HAPLN1: variants seen among roughly 807,000 people sequenced by gnomAD.
The protein encoded by HAPLN1 is Cartilage link protein.
Under a neutral mutation model 36.5 loss-of-function variants are expected in HAPLN1, and 13 were observed. The ratio of observed to expected loss-of-function variants is 0.36; its 90% CI spans 0.23 to 0.57. HAPLN1 has a LOEUF of 0.57. Ranked by LOEUF, HAPLN1 falls within the 20% of genes least tolerant of loss-of-function variation. The pLI is 0.83. For missense variants in HAPLN1, 407 were observed against 439.7 expected (o/e 0.93, Z 0.66); for synonymous variants, 202 against 169.8 (o/e 1.19, Z -1.48).
At chr5:83,684,102 A>C (rs2048407270) in intron 1 of HAPLN1, among the ~76,000 whole-genome samples, 1 of 152,160 alleles carries the variant, frequency 6.6e-6, no homozygotes, top group Non-Finnish European at 1.5e-5. Flanking sequence ...ATGGCCCCTG[A>C]GAATGGGAGC....
intron 2 of HAPLN1, among the ~76,000 whole-genome samples, chr5:83,661,783 T>G (rs1750401366): frequency 6.6e-6 from 1 of 152,084 alleles, no homozygotes; most frequent in East Asian, 1.9e-4. Context: ...ACTTTATTTC[T>G]CTTAGTGATT....
intron 1 of HAPLN1, among the ~76,000 whole-genome samples, chr5:83,688,260 G>A (rs1234112091): frequency 3.3e-5 from 5 of 152,138 alleles, no homozygotes; most frequent in Non-Finnish European, 7.3e-5. Flanking sequence ...AGGCATGGGA[G>A]AACTATTTTG....
chr5:83,708,408 G>A lies in HAPLN1; in HGVS notation c.-27+12381C>T, dbSNP rs558524431. On this transcript the variant is annotated intron_variant, in intron 1 of 4. Transcript: ENST00000274341. ...AAAAAAGAACAAGATAATGTCTTCTGTGGGAATATGGATGGAGGTGGAGGC... is the reference window on the plus strand; with the variant it reads ...AAAAAAGAACAAGATAATGTCTTCTATGGGAATATGGATGGAGGTGGAGGC... Among the ~76,000 whole-genome samples, 68 of 152,322 alleles carry A rather than the reference G, an allele frequency of 4.5e-4. 1 individual carries two copies. Among genetic ancestry groups the A allele is most frequent in the African/African-American group, 1.5e-3 (64 of 41,578 alleles).
At chr5:83,707,936 A>G (rs1336544530) in intron 1 of HAPLN1, among the ~76,000 whole-genome samples, 9 of 152,368 alleles carry the variant, frequency 5.9e-5, no homozygotes, top group Admixed American at 5.9e-4. Flanking sequence ...GAAGGCATAC[A>G]TGCAGCCAAC....
chr5:83,719,013 A>G (rs964798801), intron 1 of HAPLN1, among the ~76,000 whole-genome samples: 11 of 152,190 alleles, frequency 7.2e-5, no homozygotes, highest in Admixed American at 6.6e-5. Flanking sequence ...CCGTTTACTC[A>G]TAAAGTATCT....
chr5:83,673,625 C>G (rs924143990), intron 1 of HAPLN1, 76 bp from the exon 2 acceptor site: 3 of 790,638 alleles, frequency 3.8e-6, no homozygotes, highest in Admixed American at 2.2e-5. Context: ...AACTTATTAC[C>G]GCCTTATCAT....
At chr5:83,688,330 G>A (rs1009257388) in intron 1 of HAPLN1, among the ~76,000 whole-genome samples, 2 of 152,140 alleles carry the variant, frequency 1.3e-5, no homozygotes, top group African/African-American at 4.8e-5. Flanking sequence ...CTCTCATGAG[G>A]CACCAGGCTC....
At chr5:83,708,270 A>T (rs1751697550) in intron 1 of HAPLN1, among the ~76,000 whole-genome samples, 1 of 152,230 alleles carries the variant, frequency 6.6e-6, no homozygotes, top group Non-Finnish European at 1.5e-5. Context: ...ACGTATATTC[A>T]TTGCAGCTCT....
chr5:83,688,642 CTTTTTTTTTTT>C (rs539790396), intron 1 of HAPLN1, among the ~76,000 whole-genome samples: 86 of 80,588 alleles, frequency 1.1e-3, no homozygotes, highest in Admixed American at 3.2e-3. Flanking sequence ...GCTTTTGATT[CTTTTTTTTTTT>C]TTTTTTTTTT....
intron 1 of HAPLN1, among the ~76,000 whole-genome samples, chr5:83,676,102 A>G (rs10514260): frequency 0.55 from 83,557 of 151,762 alleles, 23,295 homozygotes; most frequent in East Asian, 0.81. Flanking sequence ...CATTAATTAT[A>G]TCACTCTGGT....
chr5:83,650,218 C>G (rs1750015645), intron 3 of HAPLN1, among the ~76,000 whole-genome samples: 1 of 152,166 alleles, frequency 6.6e-6, no homozygotes, highest in Non-Finnish European at 1.5e-5. Context: ...CCTTTGGTAT[C>G]AAATTCCAGC....
intron 2 of HAPLN1, among the ~76,000 whole-genome samples, chr5:83,672,537 A>G (rs78694419): frequency 0.025 from 3,746 of 152,296 alleles, 167 homozygotes; most frequent in African/African-American, 0.084. Flanking sequence ...ATACTTCTAG[A>G]CAGATTTACA....
rs1408808915 is a variant in HAPLN1 at position 83,644,551 on chromosome 5, T to C, written c.587A>G (p.Asp196Gly). 6.2e-7 allele frequency: 1 copy of C among 1,604,750 alleles called. No homozygotes were observed. Among genetic ancestry groups the C allele is most frequent in the Non-Finnish European group, 8.5e-7 (1 of 1,175,900 alleles). The change falls in exon 4 of 5, where the codon GAC becomes GGC. Residue 196 changes from aspartate (D) to glycine (G), a missense_variant. By Grantham distance (94) the Asp-to-Gly change is moderately conservative. Transcript: ENST00000274341. Reference sequence around the variant, plus strand: ...CCAGTCCAGCCCGCCCCGCCAGGCGTCGTACAGCTGGTCGAAGGAGGCGAT... The same window carrying C: ...CCAGTCCAGCCCGCCCCGCCAGGCGCCGTACAGCTGGTCGAAGGAGGCGAT... ...AVIASFDQLY[D>G]AWRGGLDWCN...
intron 2 of HAPLN1, among the ~76,000 whole-genome samples, chr5:83,663,203 A>G (rs1019110739): frequency 6.6e-6 from 1 of 152,222 alleles, no homozygotes; most frequent in Non-Finnish European, 1.5e-5. Flanking sequence ...TCTTAAGAGG[A>G]TGAAGGCTGA....
intron 1 of HAPLN1, among the ~76,000 whole-genome samples, chr5:83,716,376 T>C (rs568672176): frequency 2.6e-5 from 4 of 152,200 alleles, no homozygotes; most frequent in Admixed American, 2.6e-4. Context: ...TTCCAAGTTA[T>C]TTTTACTCTG....
intron 1 of HAPLN1, among the ~76,000 whole-genome samples, chr5:83,685,475 C>G (rs1751099036): frequency 6.6e-6 from 1 of 152,196 alleles, no homozygotes; most frequent in Non-Finnish European, 1.5e-5. Context: ...CACACACACA[C>G]ACAACTCATT....
At chr5:83,678,180 C>T (rs1750903704) in intron 1 of HAPLN1, among the ~76,000 whole-genome samples, 1 of 150,946 alleles carries the variant, frequency 6.6e-6, no homozygotes, top group African/African-American at 2.4e-5. Context: ...TTCATTTTTC[C>T]TCTCTACTTT....
At chr5:83,703,898 C>G (rs1318074761) in intron 1 of HAPLN1, among the ~76,000 whole-genome samples, 1 of 151,660 alleles carries the variant, frequency 6.6e-6, no homozygotes, top group Non-Finnish European at 1.5e-5. Context: ...ATACAGAGAA[C>G]CCCTGCAAGT....
At chr5:83,702,589 A>G (rs935713250) in intron 1 of HAPLN1, among the ~76,000 whole-genome samples, 7 of 152,212 alleles carry the variant, frequency 4.6e-5, no homozygotes, top group Non-Finnish European at 1.0e-4. Flanking sequence ...GTTACTCAGA[A>G]CATAGTCAAG....
Sources: allele counts gnomAD v4.1 joint callset (sites outside exome capture counted in the v4.1 genomes callset), GRCh38; gene constraint gnomAD v4.1.1; transcripts MANE v1.5; gene names NCBI Gene and HGNC (gene_info 2026-07-23, HGNC 2026-07-21).